Variants in SMAD6 observed in about 807,000 individuals in gnomAD.
SMAD6 encodes the protein MAD homolog 6.
SMAD6 carries 103 observed loss-of-function variants against 39.4 expected under a neutral mutation model. That is an observed-to-expected ratio of 2.62 (90% confidence interval 2.23 to 3.08). The LOEUF is 3.08. SMAD6 is among the 30% of genes most tolerant of loss of function. The pLI is 0.00. For synonymous variants in SMAD6, 445 were observed against 353.3 expected (o/e 1.26, Z -2.91); for missense variants, 1,104 against 742.9 (o/e 1.49, Z -5.65).
At chr15:66,711,939 C>T (rs191083089) in intron 2 of SMAD6, among the ~76,000 whole-genome samples, 2 of 152,234 alleles carry the variant, frequency 1.3e-5, no homozygotes, top group Admixed American at 6.5e-5. Flanking sequence ...ATTTACATCT[C>T]GAAATTCCGC....
At chr15:66,710,679 C>G (rs1431318011) in intron 1 of SMAD6, among the ~76,000 whole-genome samples, 1 of 152,122 alleles carries the variant, frequency 6.6e-6, no homozygotes, top group African/African-American at 2.4e-5. Context: ...TTCATTCATG[C>G]AAATTGTTAC....
intron 3 of SMAD6, among the ~76,000 whole-genome samples, chr15:66,751,066 G>T (rs533890885): frequency 1.3e-5 from 2 of 152,308 alleles, no homozygotes; most frequent in African/African-American, 4.8e-5. Flanking sequence ...TCTAAGGAAA[G>T]GAGAGCCCAG....
intron 1 of SMAD6, chr15:66,708,215 CCT>C (rs1369967558): frequency 2.0e-5 from 3 of 153,478 alleles, no homozygotes; most frequent in African/African-American, 7.2e-5. Flanking sequence ...TAAAAGTTCT[CCT>C]GTTAAAGTTT....
At chr15:66,742,580 A>G (rs755452) in intron 3 of SMAD6, among the ~76,000 whole-genome samples, 80,862 of 151,884 alleles carry the variant, frequency 0.53, 21,791 homozygotes, top group East Asian at 0.73. Flanking sequence ...AGGCCCCATG[A>G]GGTCTAGCCA....
intron 3 of SMAD6, among the ~76,000 whole-genome samples, chr15:66,762,659 C>T (rs1234415722): frequency 2.0e-5 from 3 of 152,002 alleles, no homozygotes; most frequent in South Asian, 2.1e-4. Context: ...TTAGAGTAAA[C>T]GCCATGAGAG....
At chr15:66,759,475 T>A (rs1031757003) in intron 3 of SMAD6, among the ~76,000 whole-genome samples, 4 of 152,226 alleles carry the variant, frequency 2.6e-5, no homozygotes, top group Non-Finnish European at 5.9e-5. Context: ...TTAGTACACC[T>A]GTCACCTGAG....
chr15:66,758,133 C>T (rs1252250825), intron 3 of SMAD6, among the ~76,000 whole-genome samples: 1 of 152,214 alleles, frequency 6.6e-6, no homozygotes, highest in Non-Finnish European at 1.5e-5. Context: ...GAATTAACCA[C>T]AGAGATCCCT....
intron 3 of SMAD6, among the ~76,000 whole-genome samples, chr15:66,727,773 TTAATG>T: frequency 6.6e-6 from 1 of 152,314 alleles, no homozygotes; most frequent in African/African-American, 2.4e-5. Flanking sequence ...TTTTGTTTGT[TTAATG>T]TAAACTTTTT....
chr15:66,703,362 A>G lies in SMAD6; in HGVS notation c.104A>G (p.Glu35Gly), dbSNP rs770119498. ...GGSGGGGGGD[E>G]DGSLGSRAEP... ...AGCGGCGGCGGCGGTGGCGGCGACG[A>G]GGATGGGAGCTTGGGCAGCCGAGCT... Residue 35 changes from glutamate to glycine, a missense_variant, in exon 1 of 4, where the codon GAG becomes GGG. By Grantham distance (98) the Glu-to-Gly change is moderately conservative. Transcript: ENST00000288840. 8 of 1,475,700 alleles carry G rather than the reference A, an allele frequency of 5.4e-6. No individual in the cohort carries two copies. The Admixed American group carries it at 1.7e-4, about 32-fold the overall frequency. 91.4% of individuals were successfully genotyped at this position (1,475,700 alleles called of 1,614,324 possible).
chr15:66,752,400 A>G (rs1258995624), intron 3 of SMAD6, among the ~76,000 whole-genome samples: 7 of 152,150 alleles, frequency 4.6e-5, no homozygotes, highest in African/African-American at 1.7e-4. Context: ...GAGTTCTTCC[A>G]CTAGGATAGA....
intron 3 of SMAD6, among the ~76,000 whole-genome samples, chr15:66,770,989 C>T (rs12898426): frequency 0.17 from 26,631 of 152,202 alleles, 2,855 homozygotes; most frequent in South Asian, 0.26. Context: ...TAGCTGCCTG[C>T]GGAGAGTGTA....
chr15:66,744,519 CAG>C (rs1179300972), intron 3 of SMAD6, among the ~76,000 whole-genome samples: 2 of 152,258 alleles, frequency 1.3e-5, no homozygotes, highest in Non-Finnish European at 2.9e-5. Context: ...GGCACCTGCT[CAG>C]GGCCACGTGG....
In SMAD6 at chr15:66,781,163, G is replaced by C; in HGVS notation, c.1119G>C (p.Leu373=). 1 of 1,608,106 alleles carries C rather than the reference G, an allele frequency of 6.2e-7. No individual in the cohort carries two copies. The highest frequency in any genetic ancestry group is 8.5e-7 in the Non-Finnish European group (1 of 1,179,764). ...GCTTCTGCCTGGGCCAGCTCAACCT[G>C]GAGCAGCGCAGCGAGTCGGTGCGGC... ...GSGFCLGQLN[L]EQRSESVRRT... Residue 373 remains leucine, a synonymous_variant, in exon 4 of 4, where the codon CTG becomes CTC. Coordinates refer to ENST00000288840, the MANE Select transcript of SMAD6 (RefSeq NM_005585.5).
intron 3 of SMAD6, among the ~76,000 whole-genome samples, chr15:66,721,292 C>T (rs1567097999): frequency 6.6e-6 from 1 of 152,122 alleles, no homozygotes; most frequent in East Asian, 1.9e-4. Flanking sequence ...GGGGTTGGTG[C>T]TGTCTGGTGT....
chr15:66,721,959 G>A (rs527303247), intron 3 of SMAD6, among the ~76,000 whole-genome samples: 35 of 152,214 alleles, frequency 2.3e-4, no homozygotes, highest in Non-Finnish European at 4.4e-4. Context: ...AGAAAGACAG[G>A]ATTTGGAGCA....
chr15:66,709,840 C>T (rs532353608), intron 1 of SMAD6, among the ~76,000 whole-genome samples: 5 of 152,344 alleles, frequency 3.3e-5, no homozygotes, highest in African/African-American at 1.2e-4. Context: ...CTTCCTATGC[C>T]CTGCCTCTTA....
chr15:66,773,834 A>G (rs1194115003), intron 3 of SMAD6, among the ~76,000 whole-genome samples: 2 of 152,118 alleles, frequency 1.3e-5, no homozygotes, highest in Non-Finnish European at 2.9e-5. Context: ...GGCTTCTGAG[A>G]CTTTGAATAT....
chr15:66,761,765 C>CT (rs1253299555), intron 3 of SMAD6, among the ~76,000 whole-genome samples: 1 of 152,172 alleles, frequency 6.6e-6, no homozygotes, highest in East Asian at 1.9e-4. Flanking sequence ...CCAAGGAATC[C>CT]TTTAGATTCC....
chr15:66,707,058 C>G (rs563819575), intron 1 of SMAD6: 6 of 152,308 alleles, frequency 3.9e-5, no homozygotes, highest in African/African-American at 1.4e-4. Flanking sequence ...CTAGGGGCCT[C>G]CTGGCCTCCC....
Sources: allele counts gnomAD v4.1 joint callset (sites outside exome capture counted in the v4.1 genomes callset), GRCh38; gene constraint gnomAD v4.1.1; transcripts MANE v1.5; gene names NCBI Gene and HGNC (gene_info 2026-07-23, HGNC 2026-07-21).